CEP85L: variants seen among roughly 807,000 people sequenced by gnomAD.
CEP85L encodes centrosomal protein 85L.
In CEP85L, 60 loss-of-function variants were observed where a neutral mutation model predicts 100.3. The observed-to-expected ratio is 0.60, with a 90% CI of 0.49 to 0.74. The LOEUF (loss-of-function observed/expected upper bound fraction) is 0.74. Among genes scored for constraint, CEP85L ranks in the 30% least tolerant of loss-of-function variants. The pLI, the probability that CEP85L is intolerant of heterozygous loss-of-function variation, is 0.00. For synonymous variants in CEP85L, 319 were observed against 322.7 expected (o/e 0.99, Z 0.12); for missense variants, 973 against 936.2 (o/e 1.04, Z -0.51).
At chr6:118,704,392 G>A (rs531912298) in intron 1 of CEP85L, among the ~76,000 whole-genome samples, 4 of 152,286 alleles carry the variant, frequency 2.6e-5, no homozygotes, top group African/African-American at 9.6e-5. Flanking sequence ...GTGGCCTGGG[G>A]TTTGTTCTGG....
At chr6:118,536,369 C>G (rs1304958400) in intron 3 of CEP85L, among the ~76,000 whole-genome samples, 2 of 151,994 alleles carry the variant, frequency 1.3e-5, no homozygotes, top group Admixed American at 6.6e-5. Context: ...GTATCCTGAC[C>G]TGAGTGGTGA....
intron 2 of CEP85L, among the ~76,000 whole-genome samples, chr6:118,603,045 C>A (rs1283030620): frequency 6.6e-6 from 1 of 152,152 alleles, no homozygotes; most frequent in Non-Finnish European, 1.5e-5. Context: ...TGGTCTCGAA[C>A]TCCTGACCTC....
intron 5 of CEP85L, chr6:118,502,875 A>T: frequency 1.8e-6 from 1 of 558,918 alleles, no homozygotes; most frequent in Non-Finnish European, 3.4e-6. Flanking sequence ...AACTTTGTAG[A>T]TTTAACAGAA....
chr6:118,502,363 C>T, intron 5 of CEP85L: 1 of 538,664 alleles, frequency 1.9e-6, no homozygotes, highest in South Asian at 1.8e-5. Flanking sequence ...CAAGATTACC[C>T]ATATGTTAAG....
At chr6:118,702,867 G>T (rs1368197208) in intron 1 of CEP85L, among the ~76,000 whole-genome samples, 1 of 151,976 alleles carries the variant, frequency 6.6e-6, no homozygotes, top group Non-Finnish European at 1.5e-5. Flanking sequence ...TTGGTGGCGG[G>T]CGCCTGTAGT....
chr6:118,508,230 A>C (rs1490622614), intron 5 of CEP85L, among the ~76,000 whole-genome samples: 4 of 152,128 alleles, frequency 2.6e-5, no homozygotes, highest in African/African-American at 9.7e-5. Flanking sequence ...AAACAAACCA[A>C]TTGAAGAAAA....
In CEP85L at chr6:118,573,232, C is replaced by G. The variant is rs77806640; in HGVS notation, c.233-6916G>C. ...TTAATAAAACAACTATCAATGATAG[C>G]CAACTTCTCAACAGCAATAATGGAA... On this transcript the variant is annotated intron_variant, in intron 2 of 12. Transcript: ENST00000368491. Among the ~76,000 whole-genome samples, 105 of 152,300 alleles carry G rather than the reference C, an allele frequency of 6.9e-4. 1 individual carries two copies. In the East Asian group the frequency reaches 0.019, roughly 27 times the overall value.
intron 2 of CEP85L, among the ~76,000 whole-genome samples, chr6:118,575,579 C>A (rs1445315341): frequency 6.6e-6 from 1 of 152,136 alleles, no homozygotes; most frequent in Non-Finnish European, 1.5e-5. Flanking sequence ...CTCCCCACTT[C>A]AAGCAAATGC....
chr6:118,529,586 C>T (rs998683087), intron 3 of CEP85L, among the ~76,000 whole-genome samples: 4 of 120,136 alleles, frequency 3.3e-5, no homozygotes, highest in African/African-American at 1.0e-4. Context: ...ACAGCCTGGG[C>T]GACAGAGCGA....
intron 10 of CEP85L, 124 bp downstream of exon 10, chr6:118,479,747 C>T (rs981651894): frequency 8.7e-6 from 4 of 460,400 alleles, no homozygotes; most frequent in African/African-American, 8.2e-5. Context: ...TGCAACTTTA[C>T]CTCAGTGCTA....
At position 118,651,187 on chromosome 6, in the gene CEP85L, C is replaced by G. The variant is rs1233432648; in HGVS notation, c.73+10G>C. ...CCCCACCCCAGCCGGGGCGCTGTCC[C>G]GTTCCTTACCGGCAGGGAAGCTGCG... On this transcript the variant is annotated intron_variant, in intron 1 of 12. Coordinates refer to ENST00000368491, the MANE Select transcript of CEP85L (RefSeq NM_001042475.3). 2 of 1,495,234 alleles carry G rather than the reference C, an allele frequency of 1.3e-6. No individual in the cohort carries two copies. The highest frequency in any genetic ancestry group is 1.8e-6 in the Non-Finnish European group (2 of 1,129,302). 92.6% of individuals were successfully genotyped at this position (1,495,234 alleles called of 1,614,324 possible).
intron 2 of CEP85L, among the ~76,000 whole-genome samples, chr6:118,622,484 T>G (rs901174905): frequency 1.3e-5 from 2 of 152,186 alleles, no homozygotes; most frequent in African/African-American, 4.8e-5. Flanking sequence ...TGATAGAAGT[T>G]CATTTAGGTA....
intron 2 of CEP85L, among the ~76,000 whole-genome samples, chr6:118,627,999 T>A (rs1773913650): frequency 6.6e-6 from 1 of 152,046 alleles, no homozygotes; most frequent in Non-Finnish European, 1.5e-5. Flanking sequence ...ATCTGTGAAG[T>A]TACAACCCAG....
chr6:118,674,202 T>C (rs948477581), intron 1 of CEP85L, among the ~76,000 whole-genome samples: 3 of 152,234 alleles, frequency 2.0e-5, no homozygotes, highest in Non-Finnish European at 4.4e-5. Context: ...TGAATATTTG[T>C]GCTTCAAAGA....
chr6:118,518,662 T>G (rs2114755948), intron 4 of CEP85L, among the ~76,000 whole-genome samples: 1 of 152,324 alleles, frequency 6.6e-6, no homozygotes, highest in Non-Finnish European at 1.5e-5. Flanking sequence ...TCTATTTTGT[T>G]GATCTTTTCA....
At chr6:118,491,384 CA>C (rs957004929) in intron 6 of CEP85L, 142 of 838,058 alleles carry the variant, frequency 1.7e-4, no homozygotes, top group Middle Eastern at 1.5e-3. Flanking sequence ...CCCAACATGA[CA>C]AAAAAAATGA....
At chr6:118,663,370 TAAAC>T (rs1182806990) in intron 1 of CEP85L, among the ~76,000 whole-genome samples, 3 of 152,214 alleles carry the variant, frequency 2.0e-5, no homozygotes, top group East Asian at 1.9e-4. Flanking sequence ...TGGAATATGA[TAAAC>T]AATCTAAAAT....
chr6:118,511,282 TCCTCTG>T lies in CEP85L; in HGVS notation c.1257+10_1257+15del. On this transcript the variant is annotated intron_variant, in intron 5 of 12. Coordinates refer to ENST00000368491, the MANE Select transcript of CEP85L (RefSeq NM_001042475.3). ...CTTTACTACTAAAACAGCTACAAAATCCTCTGTAATCTTACCTGCAAACTAGCCACA... is the reference window on the plus strand; with the variant it reads ...CTTTACTACTAAAACAGCTACAAAATTAATCTTACCTGCAAACTAGCCACA... 1 of 1,505,312 alleles carries T rather than the reference TCCTCTG, an allele frequency of 6.6e-7. No homozygotes were observed. Among genetic ancestry groups the T allele is most frequent in the African/African-American group, 1.4e-5 (1 of 72,768 alleles). The allele number at this position is 1,505,312 out of a possible 1,614,324, so 93.2% of individuals were successfully genotyped here.
chr6:118,505,660 A>G (rs1775609155), intron 5 of CEP85L, among the ~76,000 whole-genome samples: 1 of 152,200 alleles, frequency 6.6e-6, no homozygotes, highest in Admixed American at 6.5e-5. Flanking sequence ...TATGTACTAT[A>G]TGATTCCAAT....
Sources: gnomAD v4.1 joint callset for allele counts (sites outside exome capture counted in the v4.1 genomes callset) on GRCh38, gnomAD v4.1.1 for gene constraint, MANE v1.5 for transcripts, NCBI Gene and HGNC (gene_info 2026-07-23, HGNC 2026-07-21) for gene names.